The following PRKG1 variants were observed in gnomAD, a reference collection of about 807,000 sequenced individuals.
PRKG1 encodes the protein protein kinase cGMP-dependent 1.
A neutral mutation model predicts 88.1 loss-of-function variants in PRKG1; 35 were observed. The ratio of observed to expected loss-of-function variants is 0.40; its 90% CI spans 0.30 to 0.53. The LOEUF (loss-of-function observed/expected upper bound fraction) is 0.53. Ranked by LOEUF, PRKG1 falls within the 20% of genes least tolerant of loss-of-function variation. The pLI is 0.59. For missense variants in PRKG1, 540 were observed against 839.8 expected (o/e 0.64, Z 4.41); for synonymous variants, 303 against 292.5 (o/e 1.04, Z -0.37).
intron 1 of PRKG1, among the ~76,000 whole-genome samples, chr10:51,049,594 G>A (rs10761738): frequency 0.24 from 37,185 of 152,054 alleles, 4,697 homozygotes; most frequent in Admixed American, 0.28. Flanking sequence ...CTGCTAGGTT[G>A]ATTTAACTTT....
chr10:51,962,624 CT>C (rs963148029), intron 5 of PRKG1, among the ~76,000 whole-genome samples: 5 of 152,034 alleles, frequency 3.3e-5, no homozygotes, highest in South Asian at 2.1e-4. Flanking sequence ...GATAATCCTG[CT>C]TTTTTTTCCT....
Position 51,627,928 on chromosome 10 carries a change from T to TC in PRKG1, c.592+160092_592+160093insC, listed in dbSNP as rs71029384. ...CCTTCCTTCCCTTCCTTCCCTTCCT[T>TC]TCTTCCTTCCTTCCTTTCTTTCTTT... On this transcript the variant is annotated intron_variant, in intron 3 of 17. Coordinates refer to ENST00000373980, the MANE Select transcript of PRKG1 (RefSeq NM_006258.4). Among the ~76,000 whole-genome samples the TC allele has an allele frequency of 2.5e-3, 123 of 49,962 alleles. 1 individual carries two copies. Among genetic ancestry groups the TC allele is most frequent in the Admixed American group, 4.8e-3 (20 of 4,144 alleles). 32.8% of individuals were successfully genotyped at this position (49,962 alleles called of 152,430 possible).
At chr10:51,480,560 T>TAA (rs112795238) in intron 3 of PRKG1, among the ~76,000 whole-genome samples, 3 of 140,782 alleles carry the variant, frequency 2.1e-5, no homozygotes, top group Non-Finnish European at 3.1e-5. Flanking sequence ...CCTTGGCACC[T>TAA]AAAAAAAAAA....
chr10:51,376,081 T>C (rs1842811442), intron 2 of PRKG1, among the ~76,000 whole-genome samples: 2 of 152,200 alleles, frequency 1.3e-5, no homozygotes, highest in Non-Finnish European at 2.9e-5. Context: ...AAAAAGTTAA[T>C]CTAGAATCTT....
At chr10:51,829,943 TAAAAAC>T (rs1305159180) in intron 4 of PRKG1, among the ~76,000 whole-genome samples, 1 of 152,144 alleles carries the variant, frequency 6.6e-6, no homozygotes, top group Non-Finnish European at 1.5e-5. Context: ...AATGTTATGG[TAAAAAC>T]AAAAACAAAA....
intron 2 of PRKG1, among the ~76,000 whole-genome samples, chr10:51,382,581 A>AG (rs760337640): frequency 7.4e-6 from 1 of 135,478 alleles, no homozygotes; most frequent in Non-Finnish European, 1.5e-5. Context: ...CATTTTAAAA[A>AG]CAACCTCAAA....
intron 2 of PRKG1, among the ~76,000 whole-genome samples, chr10:51,415,479 A>G (rs1838211027): frequency 6.6e-6 from 1 of 152,048 alleles, no homozygotes; most frequent in Non-Finnish European, 1.5e-5. Flanking sequence ...CTCTTTGCTC[A>G]TTTGGTCTTA....
chr10:51,098,363 T>C (rs1290191521), intron 1 of PRKG1, among the ~76,000 whole-genome samples: 1 of 152,186 alleles, frequency 6.6e-6, no homozygotes, highest in African/African-American at 2.4e-5. Context: ...ATTTACCTAT[T>C]CCTTCACCTT....
At chr10:51,396,672 G>A (rs1033558696) in intron 2 of PRKG1, among the ~76,000 whole-genome samples, 3 of 152,244 alleles carry the variant, frequency 2.0e-5, no homozygotes. Flanking sequence ...AGGATGCTCA[G>A]CTGAAAAACG....
At chr10:52,159,729 G>A (rs569493331) in intron 8 of PRKG1, among the ~76,000 whole-genome samples, 80 of 151,762 alleles carry the variant, frequency 5.3e-4, no homozygotes, top group African/African-American at 1.8e-3. Context: ...CCTGTTTAAA[G>A]TGTCCTTAAT....
chr10:52,097,369 A>G (rs1229172164), intron 7 of PRKG1, among the ~76,000 whole-genome samples: 1 of 152,088 alleles, frequency 6.6e-6, no homozygotes, highest in Non-Finnish European at 1.5e-5. Flanking sequence ...TGAATATTTG[A>G]TTAGTAACTA....
intron 2 of PRKG1, among the ~76,000 whole-genome samples, chr10:51,324,793 CCACTGATAGA>C (rs78600123): frequency 0.26 from 39,061 of 151,892 alleles, 5,707 homozygotes; most frequent in East Asian, 0.35. Context: ...ATGCATGTGT[CCACTGATAGA>C]CACTTATGTT....
At chr10:51,868,001 T>A (rs1398111491) in intron 4 of PRKG1, among the ~76,000 whole-genome samples, 4 of 152,184 alleles carry the variant, frequency 2.6e-5, no homozygotes, top group Non-Finnish European at 5.9e-5. Context: ...TGTCATCACT[T>A]ACGCATGGCC....
At chr10:51,799,702 G>A (rs1839116690) in intron 3 of PRKG1, among the ~76,000 whole-genome samples, 1 of 151,938 alleles carries the variant, frequency 6.6e-6, no homozygotes, top group Non-Finnish European at 1.5e-5. Context: ...TTTAACAAGT[G>A]GCATGACCCT....
intron 2 of PRKG1, among the ~76,000 whole-genome samples, chr10:51,369,461 A>T (rs1842656479): frequency 1.3e-5 from 2 of 152,050 alleles, no homozygotes; most frequent in South Asian, 4.1e-4. Flanking sequence ...GAGGAGAAAC[A>T]AACACTCAGC....
At chr10:52,263,217 A>C (rs2132419010) in intron 10 of PRKG1, among the ~76,000 whole-genome samples, 1 of 152,250 alleles carries the variant, frequency 6.6e-6, no homozygotes, top group Admixed American at 6.5e-5. Context: ...TTAGAGTTTA[A>C]AAATCTAGTT....
At chr10:51,362,838 C>T (rs185252680) in intron 2 of PRKG1, among the ~76,000 whole-genome samples, 112 of 151,906 alleles carry the variant, frequency 7.4e-4, no homozygotes, top group African/African-American at 2.6e-3. Context: ...TCCATGTGTT[C>T]TCATTGTTCA....
intron 5 of PRKG1, among the ~76,000 whole-genome samples, chr10:51,988,480 C>G (rs1260310216): frequency 6.6e-6 from 1 of 152,034 alleles, no homozygotes; most frequent in Non-Finnish European, 1.5e-5. Context: ...TCCTCACCAA[C>G]AGCAGTAAGT....
chr10:51,264,225 A>G (rs1839785188), intron 2 of PRKG1, among the ~76,000 whole-genome samples: 1 of 152,228 alleles, frequency 6.6e-6, no homozygotes, highest in Non-Finnish European at 1.5e-5. Flanking sequence ...TCAAGAGCAT[A>G]AGTAAATTCT....
Sources: allele counts gnomAD v4.1 joint callset (sites outside exome capture counted in the v4.1 genomes callset), GRCh38; gene constraint gnomAD v4.1.1; transcripts MANE v1.5; gene names NCBI Gene and HGNC (gene_info 2026-07-23, HGNC 2026-07-21).